EDN1: variants seen among roughly 807,000 people sequenced by gnomAD.
EDN1 encodes endothelin 1.
EDN1 carries 11 observed loss-of-function variants against 21.7 expected under a neutral mutation model. The ratio of observed to expected loss-of-function variants is 0.51; its 90% CI spans 0.32 to 0.84. The LOEUF (loss-of-function observed/expected upper bound fraction) is 0.84. Among genes scored for constraint, EDN1 ranks in the 40% least tolerant of loss-of-function variants. The probability of loss-of-function intolerance (pLI) is 0.03; values close to 1 mark genes in which losing one functional copy is unlikely to be tolerated. For synonymous variants in EDN1, 85 were observed against 90.6 expected, an observed-to-expected ratio of 0.94 and a Z score of 0.35; for missense variants, 244 against 262.3, an observed-to-expected ratio of 0.93 and a Z score of 0.48.
At chr6:12,274,267 A>G in the EDN1 span, among the ~76,000 whole-genome samples, 3 of 152,252 alleles carry the variant, frequency 2.0e-5, no homozygotes, top group African/African-American at 7.2e-5. Context: ...GAAAAGCATA[A>G]GGCAATTAGC....
chr6:12,277,354 G>A, the EDN1 span, among the ~76,000 whole-genome samples: 3 of 152,318 alleles, frequency 2.0e-5, no homozygotes, highest in Non-Finnish European at 4.4e-5. Context: ...CATTTATTGA[G>A]CACCAACTAC....
In EDN1 at chr6:12,294,244, C is replaced by T. The variant is rs2113796971; in HGVS notation, c.390-17C>T. 6.2e-7 allele frequency: 1 copy of T among 1,613,858 alleles called. No homozygotes were observed. The highest frequency in any genetic ancestry group is 2.2e-5 in the East Asian group (1 of 44,890). On this transcript the variant is annotated splice_polypyrimidine_tract_variant and intron_variant, in intron 3 of 4. Transcript: ENST00000379375. The stretch of plus-strand genomic sequence containing the variant: ...ATATAACATTGCTGAAATGTTTTTC[C>T]TTGTGTATTTTAACAGGGCTGAAGA...
At chr6:12,261,114 G>A in the EDN1 span, among the ~76,000 whole-genome samples, 2 of 152,198 alleles carry the variant, frequency 1.3e-5, no homozygotes, top group Non-Finnish European at 2.9e-5. Flanking sequence ...AAAAGTGGAA[G>A]TAACTTGAGT....
the EDN1 span, among the ~76,000 whole-genome samples, chr6:12,236,580 A>T: frequency 6.6e-6 from 1 of 152,142 alleles, no homozygotes; most frequent in Non-Finnish European, 1.5e-5. Context: ...ACAATTAATA[A>T]TAAAAGTAGA....
the EDN1 span, among the ~76,000 whole-genome samples, chr6:12,248,225 G>A: frequency 6.6e-6 from 1 of 152,174 alleles, no homozygotes; most frequent in Non-Finnish European, 1.5e-5. Context: ...CTAATACACA[G>A]CCTTGACATG....
the EDN1 span, among the ~76,000 whole-genome samples, chr6:12,279,087 T>C: frequency 6.6e-6 from 1 of 152,232 alleles, no homozygotes; most frequent in Admixed American, 6.5e-5. Flanking sequence ...ATAAAATCAC[T>C]GTAGTCATAA....
At chr6:12,287,712 T>TCTCTCTCA (rs1380647005), upstream of EDN1, among the ~76,000 whole-genome samples, 2 of 103,050 alleles carry the variant, frequency 1.9e-5, no homozygotes, top group African/African-American at 7.6e-5. Context: ...TCTCTCTCTC[T>TCTCTCTCA]CACACACACA....
the EDN1 span, among the ~76,000 whole-genome samples, chr6:12,248,689 T>C: frequency 6.6e-6 from 1 of 152,194 alleles, no homozygotes; most frequent in South Asian, 2.1e-4. Context: ...AGGGTGTAGG[T>C]TATGTCAATT....
At chr6:12,288,656 G>A (rs1762605641), upstream of EDN1, among the ~76,000 whole-genome samples, 1 of 152,166 alleles carries the variant, frequency 6.6e-6, no homozygotes, top group African/African-American at 2.4e-5. Context: ...GAGGATGCAT[G>A]TCATTATGGA....
At chr6:12,282,256 G>C in the EDN1 span, among the ~76,000 whole-genome samples, 1 of 152,200 alleles carries the variant, frequency 6.6e-6, no homozygotes, top group Admixed American at 6.5e-5. Flanking sequence ...AGTCCAAAAA[G>C]ATAGTTTCTT....
At chr6:12,238,243 T>C in the EDN1 span, among the ~76,000 whole-genome samples, 2 of 151,840 alleles carry the variant, frequency 1.3e-5, no homozygotes, top group African/African-American at 2.4e-5. Flanking sequence ...TTCTATTTCT[T>C]TGTGATTTGG....
chr6:12,287,750 A>G (rs1325125075), upstream of EDN1, among the ~76,000 whole-genome samples: 1 of 70,996 alleles, frequency 1.4e-5, no homozygotes, highest in Non-Finnish European at 3.1e-5. Flanking sequence ...ACACACACAC[A>G]CACAGGCGCG....
At chr6:12,256,366 G>A in the EDN1 span, among the ~76,000 whole-genome samples, 2 of 151,806 alleles carry the variant, frequency 1.3e-5, no homozygotes, top group Admixed American at 6.6e-5. Context: ...AAACAAAACC[G>A]CAAAACAAAC....
the EDN1 span, among the ~76,000 whole-genome samples, chr6:12,285,294 G>T: frequency 7.9e-5 from 12 of 152,148 alleles, no homozygotes; most frequent in South Asian, 6.2e-4. Flanking sequence ...GAAGCCAAGG[G>T]GAGGTATCCG....
At chr6:12,266,602 G>T in the EDN1 span, among the ~76,000 whole-genome samples, 2 of 152,230 alleles carry the variant, frequency 1.3e-5, no homozygotes, top group Non-Finnish European at 2.9e-5. Flanking sequence ...TGTGCACTGG[G>T]AGCACAGAGG....
In EDN1 at chr6:12,297,007, AT is replaced by A. The variant is rs973317693; in HGVS notation, c.*947del. ...GGTTGGATTGAATTTTGATGTACTT[AT>A]TTTTTTATAGATATTTATATTCAAA... On this transcript the variant is annotated 3_prime_UTR_variant, in exon 5 of 5. Coordinates refer to ENST00000379375, the MANE Select transcript of EDN1 (RefSeq NM_001955.5). 3 of 152,074 alleles carry A rather than the reference AT, an allele frequency of 2.0e-5. No homozygotes were observed. The highest frequency in any genetic ancestry group is 7.2e-5 in the African/African-American group (3 of 41,402). The allele number at this position is 152,074 out of a possible 1,614,324, so 9.4% of individuals were successfully genotyped here.
chr6:12,271,931 G>A, the EDN1 span, among the ~76,000 whole-genome samples: 1 of 152,116 alleles, frequency 6.6e-6, no homozygotes, highest in Non-Finnish European at 1.5e-5. Flanking sequence ...TCTGCTAATA[G>A]TCTAATAGAA....
the EDN1 span, among the ~76,000 whole-genome samples, chr6:12,260,748 A>G: frequency 6.6e-6 from 1 of 151,900 alleles, no homozygotes; most frequent in African/African-American, 2.4e-5. Flanking sequence ...TGCCTTTATC[A>G]TATTGTTTTT....
At chr6:12,287,138 A>G (rs1213979012), upstream of EDN1, among the ~76,000 whole-genome samples, 2 of 140,404 alleles carry the variant, frequency 1.4e-5, no homozygotes, top group South Asian at 4.2e-4. Context: ...AAATTGAGAA[A>G]AAAAAAAAAG....
Sources: allele counts gnomAD v4.1 joint callset (sites outside exome capture counted in the v4.1 genomes callset), GRCh38; gene constraint gnomAD v4.1.1; transcripts MANE v1.5; gene names NCBI Gene and HGNC (gene_info 2026-07-23, HGNC 2026-07-21).